The following CD163L1 variants were observed in gnomAD, a reference collection of about 807,000 sequenced individuals.
CD163L1 encodes the protein scavenger receptor cysteine-rich type 1 protein M160.
Under a neutral mutation model 165.4 loss-of-function variants are expected in CD163L1, and 124 were observed. The observed-to-expected ratio is 0.75, with a 90% confidence interval of 0.65 to 0.87. CD163L1 has a LOEUF of 0.87. CD163L1 is among the 40% of genes least tolerant of loss of function. CD163L1 has a pLI of 0.00. For missense variants in CD163L1, 1,525 were observed against 1,799.9 expected, an observed-to-expected ratio of 0.85 and a Z score of 2.76; for synonymous variants, 585 against 662.2, an observed-to-expected ratio of 0.88 and a Z score of 1.79.
chr12:7,380,440 ACTC>A (rs1947375482), intron 8 of CD163L1, among the ~76,000 whole-genome samples: 1 of 132,106 alleles, frequency 7.6e-6, no homozygotes, highest in Non-Finnish European at 1.7e-5. Flanking sequence ...ATGGAATACT[ACTC>A]AGCCATAAAG....
chr12:7,389,906 C>A (rs2136474183), intron 8 of CD163L1, among the ~76,000 whole-genome samples: 1 of 147,522 alleles, frequency 6.8e-6, no homozygotes, highest in African/African-American at 2.5e-5. Flanking sequence ...ATGAAATCAA[C>A]CTAAGTGTCC....
Position 7,398,116 on chromosome 12 carries a change from G to T in CD163L1, c.1729+148C>A. On this transcript the variant is annotated intron_variant, in intron 7 of 19. Transcript: ENST00000313599. The surrounding 1 kb of genome is among the most constrained non-coding windows in gnomAD (Gnocchi z 4.5). ...ACCTGTATAAGTGGAAGAGTTCCAG[G>T]TGAAGTGAACTGAAGTCTAATTTAA... 1 of 653,828 alleles carries T rather than the reference G, an allele frequency of 1.5e-6. No individual in the cohort carries two copies. The allele number at this position is 653,828 out of a possible 1,614,324, so 40.5% of individuals were successfully genotyped here.
At chr12:7,373,716 T>TC in intron 13 of CD163L1, 76 bp from the exon 14 acceptor site, 1 of 1,313,452 alleles carries the variant, frequency 7.6e-7, no homozygotes, top group Non-Finnish European at 1.0e-6. Flanking sequence ...AATCCATTTT[T>TC]CCCATGGAAA....
At chr12:7,320,526 A>G in the CD163L1 span, among the ~76,000 whole-genome samples, 1 of 152,252 alleles carries the variant, frequency 6.6e-6, no homozygotes, top group South Asian at 2.1e-4. Flanking sequence ...TAATATATAT[A>G]CATTCTTTTC....
intron 1 of CD163L1, among the ~76,000 whole-genome samples, chr12:7,442,616 G>T (rs1344468312): frequency 6.6e-6 from 1 of 152,160 alleles, no homozygotes; most frequent in African/African-American, 2.4e-5. Flanking sequence ...TGTGGAATGG[G>T]CAATTAGTGT....
downstream of CD163L1, among the ~76,000 whole-genome samples, chr12:7,353,461 T>C (rs1320403215): frequency 6.6e-6 from 1 of 152,092 alleles, no homozygotes; most frequent in Non-Finnish European, 1.5e-5. Flanking sequence ...AAGAAATCCT[T>C]ATCTAGATAC....
At chr12:7,440,280 G>C (rs116867595) in intron 2 of CD163L1, among the ~76,000 whole-genome samples, 16,203 of 151,832 alleles carry the variant, frequency 0.11, 1,491 homozygotes, top group African/African-American at 0.24. Context: ...CCCCTGCGAC[G>C]GGGAGGGCGG....
Position 7,373,446 on chromosome 12 carries a change from A to C in CD163L1, c.3604T>G (p.Ser1202Ala). 2 of 1,614,168 alleles carry C rather than the reference A, an allele frequency of 1.2e-6. No homozygotes were observed. The highest frequency in any genetic ancestry group is 1.7e-5 in the Admixed American group (1 of 60,024). ...VSLAPLSKTG[S>A]GFMWVDDIQC... ...ATGTCATCCACCCACATGAAACCAG[A>C]GCCTGTCTTAGATAAAGGGGCGAGG... Residue 1202 changes from serine (S) to alanine (A), a missense_variant, in exon 14 of 20, where the codon TCT becomes GCT. Transcript: ENST00000313599.
chr12:7,411,103 T>G (rs1948130943), intron 4 of CD163L1, among the ~76,000 whole-genome samples: 1 of 151,890 alleles, frequency 6.6e-6, no homozygotes, highest in Non-Finnish European at 1.5e-5. Context: ...AATTCTCCCT[T>G]TTCAAGAGAA....
intron 5 of CD163L1, among the ~76,000 whole-genome samples, chr12:7,404,068 C>T (rs981915960): frequency 3.3e-5 from 5 of 151,892 alleles, no homozygotes; most frequent in Non-Finnish European, 5.9e-5. Flanking sequence ...TGTTTCATAA[C>T]GACTTGTCAG....
chr12:7,387,607 C>G (rs1312201793), intron 8 of CD163L1, among the ~76,000 whole-genome samples: 2 of 151,950 alleles, frequency 1.3e-5, no homozygotes, highest in Non-Finnish European at 2.9e-5. Context: ...GAGCCTGGTA[C>G]CTCCTCTTCT....
In CD163L1 at chr12:7,421,461, A is replaced by ATG. The variant is rs1472193274; in HGVS notation, c.766+10954_766+10955insCA. Among the ~76,000 whole-genome samples the ATG allele has an allele frequency of 6.6e-3, 603 of 91,350 alleles. 65 individuals are homozygous for ATG. Among genetic ancestry groups the ATG allele is most frequent in the African/African-American group, 0.031 (568 of 18,190 alleles). The allele number at this position is 91,350 out of a possible 152,430, so 59.9% of individuals were successfully genotyped here. ...TATACATATACATATATGTACATAT[A>ATG]TACATATATATACATATATGTACAT... On this transcript the variant is annotated intron_variant, in intron 4 of 19. Transcript: ENST00000313599.
At chr12:7,385,292 C>T (rs1435130921) in intron 8 of CD163L1, among the ~76,000 whole-genome samples, 2 of 150,234 alleles carry the variant, frequency 1.3e-5, no homozygotes, top group Non-Finnish European at 3.0e-5. Context: ...ATAAATTGAT[C>T]AATTTATTAA....
the CD163L1 span, among the ~76,000 whole-genome samples, chr12:7,327,906 A>G: frequency 2.6e-5 from 4 of 152,224 alleles, no homozygotes; most frequent in East Asian, 1.9e-4. Flanking sequence ...ATCCCTAAAA[A>G]TCTTCCTCAA....
At position 7,400,266 on chromosome 12, in the gene CD163L1, T is replaced by C. The variant is rs920364675; in HGVS notation, c.1409-1682A>G. On this transcript the variant is annotated intron_variant, in intron 6 of 19. Coordinates refer to ENST00000313599, the MANE Select transcript of CD163L1 (RefSeq NM_174941.6). The surrounding 1 kb of genome is among the most constrained non-coding windows in gnomAD (Gnocchi z 4.1). ...GTCACCAAGTGCTTCCACAATATAA[T>C]GGAAACCAATGTATTCAATGTAGGT... Among the ~76,000 whole-genome samples the C allele has an allele frequency of 6.6e-6, 1 of 152,172 alleles. No homozygotes were observed.
At chr12:7,422,099 C>T in intron 4 of CD163L1, among the ~76,000 whole-genome samples, 1 of 152,068 alleles carries the variant, frequency 6.6e-6, no homozygotes. Flanking sequence ...AAAGAGCAGG[C>T]AGCAATATTT....
chr12:7,352,588 A>G (rs1232965324), downstream of CD163L1, among the ~76,000 whole-genome samples: 1 of 152,184 alleles, frequency 6.6e-6, no homozygotes, highest in Non-Finnish European at 1.5e-5. Flanking sequence ...CTATTGGCAG[A>G]GGATGAAGCT....
At chr12:7,382,956 C>A (rs1339360073) in intron 8 of CD163L1, among the ~76,000 whole-genome samples, 2 of 152,128 alleles carry the variant, frequency 1.3e-5, no homozygotes, top group Admixed American at 1.3e-4. Context: ...GGGTAGTTCA[C>A]AGAGGAGTGT....
At chr12:7,410,550 G>A (rs1350879939) in intron 4 of CD163L1, among the ~76,000 whole-genome samples, 7 of 151,510 alleles carry the variant, frequency 4.6e-5, no homozygotes, top group African/African-American at 1.7e-4. Flanking sequence ...GTTGCAGTGA[G>A]CTGAGATCAC....
Sources: allele counts gnomAD v4.1 joint callset (sites outside exome capture counted in the v4.1 genomes callset), GRCh38; gene constraint gnomAD v4.1.1; non-coding constraint Gnocchi (gnomAD v3.1); transcripts MANE v1.5; gene names NCBI Gene and HGNC (gene_info 2026-07-23, HGNC 2026-07-21).